Variants in LIFR observed in about 807,000 individuals in gnomAD.
LIFR encodes LIF receptor subunit alpha, also known as leukemia inhibitory factor receptor.
In LIFR, 84 loss-of-function variants were observed where a neutral mutation model predicts 122.2. The observed-to-expected ratio is 0.69, with a 90% CI of 0.58 to 0.82. The LOEUF is 0.82. Among genes scored for constraint, LIFR ranks in the 40% least tolerant of loss-of-function variants. The pLI is 0.00. For missense variants in LIFR, 1,294 were observed against 1,311.6 expected, an observed-to-expected ratio of 0.99 and a Z score of 0.21; for synonymous variants, 422 against 434.7, an observed-to-expected ratio of 0.97 and a Z score of 0.36.
upstream of LIFR, among the ~76,000 whole-genome samples, chr5:38,598,993 G>T (rs1412922423): frequency 2.0e-5 from 3 of 152,158 alleles, no homozygotes; most frequent in Admixed American, 6.5e-5. Context: ...AAAGTGCATG[G>T]ATTTCTCAGT....
At chr5:38,594,429 A>G (rs900581095) in intron 1 of LIFR, among the ~76,000 whole-genome samples, 4 of 152,352 alleles carry the variant, frequency 2.6e-5, no homozygotes, top group African/African-American at 7.2e-5. Context: ...CATAGTATAC[A>G]TAGTAATGTA....
At chr5:38,514,237 G>C (rs892693223) in intron 5 of LIFR, among the ~76,000 whole-genome samples, 1 of 152,028 alleles carries the variant, frequency 6.6e-6, no homozygotes, top group Non-Finnish European at 1.5e-5. Context: ...GACAGAGAAG[G>C]ACAAATCAAA....
chr5:38,554,614 G>A (rs897223921), intron 1 of LIFR, among the ~76,000 whole-genome samples: 4 of 152,270 alleles, frequency 2.6e-5, no homozygotes, highest in Middle Eastern at 3.4e-3. Flanking sequence ...AAGCGGGGCA[G>A]GGGGAGCTGG....
intron 16 of LIFR, among the ~76,000 whole-genome samples, chr5:38,486,848 A>C (rs1242699888): frequency 6.6e-6 from 1 of 152,200 alleles, no homozygotes; most frequent in Non-Finnish European, 1.5e-5. Flanking sequence ...AAACATCGGA[A>C]CTTTTGATGA....
rs1743939472 is a variant in LIFR, at chr5:38,480,638, A to C, written c.*957T>G. ...GGTCTCCTCAGGAGGAACGAAATCC[A>C]ATCAGAACTATATGGACAGCTAACG... is the stretch of plus-strand genomic sequence containing the variant. On this transcript the variant is annotated 3_prime_UTR_variant, in exon 20 of 20. Coordinates refer to ENST00000453190, the MANE Select transcript of LIFR (RefSeq NM_001127671.2). 4.6e-6 allele frequency: 1 copy of C among 218,484 alleles called. No individual in the cohort carries two copies. The highest frequency in any genetic ancestry group is 2.2e-5 in the African/African-American group (1 of 44,564). 13.5% of individuals were successfully genotyped at this position (218,484 alleles called of 1,614,324 possible).
intron 13 of LIFR, 62 bp from the exon 14 acceptor site, chr5:38,493,847 TA>T: frequency 7.3e-7 from 1 of 1,365,762 alleles, no homozygotes; most frequent in Admixed American, 1.7e-5. Context: ...GCAAATCTCA[TA>T]AAAATGGACA....
intron 13 of LIFR, among the ~76,000 whole-genome samples, chr5:38,495,814 A>C (rs1744846287): frequency 6.6e-6 from 1 of 152,198 alleles, no homozygotes; most frequent in South Asian, 2.1e-4. Flanking sequence ...GACATCTGTA[A>C]AATTTAAAGA....
chr5:38,497,949 CTT>C (rs1411340808), intron 12 of LIFR, among the ~76,000 whole-genome samples: 1 of 151,970 alleles, frequency 6.6e-6, no homozygotes, highest in East Asian at 1.9e-4. Context: ...CACTTTTTTT[CTT>C]TTTCATAGAA....
chr5:38,521,943 G>A (rs1746423213), intron 5 of LIFR, among the ~76,000 whole-genome samples: 1 of 152,096 alleles, frequency 6.6e-6, no homozygotes, highest in Admixed American at 6.6e-5. Context: ...CAGGGCAAGG[G>A]AACAAAGCTG....
At position 38,478,320 on chromosome 5, in the gene LIFR, G is replaced by A. The variant is rs1387416016; in HGVS notation, c.*3275C>T. The A allele has an allele frequency of 4.9e-6, 1 of 204,322 alleles. No homozygotes were observed. The highest frequency in any genetic ancestry group is 1.0e-5 in the Non-Finnish European group (1 of 99,632). 12.7% of individuals were successfully genotyped at this position (204,322 alleles called of 1,614,324 possible). ...TCTTTCAGATCCACGAGCGGTGAAA[G>A]TAATGCTGGTTTGGAAAATGAGGTT... On this transcript the variant is annotated 3_prime_UTR_variant, in exon 20 of 20. Transcript: ENST00000453190.
At chr5:38,542,241 T>C (rs1358923921) in intron 1 of LIFR, among the ~76,000 whole-genome samples, 4 of 152,214 alleles carry the variant, frequency 2.6e-5, no homozygotes, top group Admixed American at 6.5e-5. Flanking sequence ...GTGGGGACAC[T>C]TGAACGTTTA....
At chr5:38,591,280 C>A (rs1332558824) in intron 1 of LIFR, among the ~76,000 whole-genome samples, 1 of 152,218 alleles carries the variant, frequency 6.6e-6, no homozygotes, top group African/African-American at 2.4e-5. Context: ...TTGCCATTAG[C>A]AAATCATTTC....
At chr5:38,596,032 G>A (rs1225551811), upstream of LIFR, among the ~76,000 whole-genome samples, 3 of 152,086 alleles carry the variant, frequency 2.0e-5, no homozygotes, top group Admixed American at 6.5e-5. Flanking sequence ...CACCGCGCCC[G>A]GCCCACAATA....
At chr5:38,535,879 T>G (rs1026708335) in intron 1 of LIFR, among the ~76,000 whole-genome samples, 5 of 152,202 alleles carry the variant, frequency 3.3e-5, no homozygotes, top group Non-Finnish European at 1.5e-5. Context: ...GCTCCCAAAC[T>G]GCACTGAGGC....
Position 38,523,571 on chromosome 5 carries a change from C to G in LIFR, c.409G>C (p.Asp137His), listed in dbSNP as rs1746517739. Residue 137 changes from aspartate to histidine, a missense_variant, in exon 5 of 20, where the codon GAT (aspartate) becomes CAT (histidine). By Grantham distance (81) the Asp-to-His change is moderately conservative (BLOSUM62 -1). Transcript: ENST00000453190. The part of the protein sequence containing the change: ...LNEQNVSLIP[D>H]TPEILNLSAD... ...GACAAATTCAAGATCTCTGGAGTAT[C>G]TGGAATTAAGGCTTTAAAAAGAGGA... The G allele has an allele frequency of 1.2e-6, 2 of 1,612,706 alleles. No individual in the cohort carries two copies. Among genetic ancestry groups the G allele is most frequent in the African/African-American group, 2.7e-5 (2 of 74,986 alleles).
At chr5:38,560,847 C>T (rs184981858), upstream of LIFR, among the ~76,000 whole-genome samples, 304 of 152,198 alleles carry the variant, frequency 2.0e-3, no homozygotes, top group African/African-American at 6.9e-3. Context: ...CCACCCACCT[C>T]GGCCTCCCAA....
At chr5:38,527,440 G>A in intron 3 of LIFR, 146 bp from the exon 4 acceptor site, 1 of 608,376 alleles carries the variant, frequency 1.6e-6, no homozygotes, top group Non-Finnish European at 2.9e-6. Context: ...TTTTAAGACT[G>A]AAAAAACAGA....
At chr5:38,513,344 C>A (rs1233919332) in intron 5 of LIFR, among the ~76,000 whole-genome samples, 2 of 152,126 alleles carry the variant, frequency 1.3e-5, no homozygotes, top group African/African-American at 4.8e-5. Flanking sequence ...AGTGGCTATC[C>A]CAGGCTCCCC....
intron 1 of LIFR, among the ~76,000 whole-genome samples, chr5:38,585,144 C>A (rs2112748950): frequency 6.6e-6 from 1 of 152,136 alleles, no homozygotes; most frequent in East Asian, 1.9e-4. Flanking sequence ...TTACTTAAAT[C>A]AAAAATTAAA....
Sources: gnomAD v4.1 joint callset for allele counts (sites outside exome capture counted in the v4.1 genomes callset) on GRCh38, gnomAD v4.1.1 for gene constraint, MANE v1.5 for transcripts, NCBI Gene and HGNC (gene_info 2026-07-23, HGNC 2026-07-21) for gene names.